CPNE4: variants seen among roughly 807,000 people sequenced by gnomAD.
CPNE4 encodes the protein copine 4.
CPNE4 carries 25 observed loss-of-function variants against 67.9 expected under a neutral mutation model. The observed-to-expected ratio is 0.37, with a 90% CI of 0.27 to 0.51. CPNE4 has a LOEUF of 0.51. CPNE4 is among the 20% of genes least tolerant of loss of function. The pLI is 0.93. For missense variants in CPNE4, 464 were observed against 690.8 expected (o/e 0.67, Z 3.68); for synonymous variants, 242 against 244.9 (o/e 0.99, Z 0.11).
At chr3:131,848,125 C>A (rs981213389) in intron 2 of CPNE4, among the ~76,000 whole-genome samples, 2 of 152,128 alleles carry the variant, frequency 1.3e-5, no homozygotes, top group Non-Finnish European at 2.9e-5. Context: ...TTGAGTCTTA[C>A]GTAAGGGGAG....
intron 2 of CPNE4, among the ~76,000 whole-genome samples, chr3:131,832,118 T>A (rs1303440895): frequency 6.6e-6 from 1 of 152,222 alleles, no homozygotes; most frequent in Admixed American, 6.5e-5. Flanking sequence ...TACTTTGTAA[T>A]TGACATTAAT....
chr3:131,666,987 G>A (rs1363252679), intron 7 of CPNE4, among the ~76,000 whole-genome samples: 1 of 152,162 alleles, frequency 6.6e-6, no homozygotes, highest in Non-Finnish European at 1.5e-5. Flanking sequence ...AGTATAGTTA[G>A]CATTCTTAAG....
chr3:131,740,762 C>T (rs1308310614), intron 2 of CPNE4, among the ~76,000 whole-genome samples: 1 of 152,204 alleles, frequency 6.6e-6, no homozygotes, highest in Non-Finnish European at 1.5e-5. Flanking sequence ...TTAAAACCTT[C>T]CGACAACTCC....
intron 1 of CPNE4, among the ~76,000 whole-genome samples, chr3:131,977,376 T>G (rs1398000980): frequency 1.3e-5 from 2 of 152,138 alleles, no homozygotes; most frequent in Non-Finnish European, 2.9e-5. Context: ...AATAATTAGC[T>G]ATGACAGCAC....
intron 1 of CPNE4, among the ~76,000 whole-genome samples, chr3:131,943,029 C>G (rs1462894711): frequency 1.3e-5 from 2 of 152,126 alleles, no homozygotes; most frequent in African/African-American, 4.8e-5. Context: ...ATCTGAAACC[C>G]CTGGTGTTAG....
chr3:131,806,917 A>G (rs1214101312), intron 2 of CPNE4, among the ~76,000 whole-genome samples: 3 of 152,184 alleles, frequency 2.0e-5, no homozygotes, highest in South Asian at 2.1e-4. Flanking sequence ...CAGTTCCCCA[A>G]ATTGCTTAAA....
At chr3:131,629,418 C>T (rs573931002) in intron 7 of CPNE4, among the ~76,000 whole-genome samples, 1 of 151,852 alleles carries the variant, frequency 6.6e-6, no homozygotes, top group East Asian at 1.9e-4. Context: ...AATGCTATTG[C>T]ACACTTAATA....
At chr3:132,017,283 G>A (rs780881758) in intron 1 of CPNE4, among the ~76,000 whole-genome samples, 2 of 151,966 alleles carry the variant, frequency 1.3e-5, no homozygotes, top group African/African-American at 2.4e-5. Context: ...GAGAAGGGAG[G>A]AGTGAGAGAA....
chr3:131,630,296 A>G (rs984975021), intron 7 of CPNE4, among the ~76,000 whole-genome samples: 1 of 152,226 alleles, frequency 6.6e-6, no homozygotes, highest in African/African-American at 2.4e-5. Context: ...ATAGCCCCAA[A>G]GGGCATGAGT....
intron 7 of CPNE4, among the ~76,000 whole-genome samples, chr3:131,632,752 C>T (rs186106302): frequency 1.5e-3 from 225 of 152,284 alleles, no homozygotes; most frequent in Non-Finnish European, 2.7e-3. Context: ...ACCTTTTCTT[C>T]TCTTATGCTC....
chr3:131,881,548 A>G (rs2087673385), intron 2 of CPNE4, among the ~76,000 whole-genome samples: 1 of 152,030 alleles, frequency 6.6e-6, no homozygotes, highest in Admixed American at 6.6e-5. Flanking sequence ...GGTATTGACA[A>G]TTCTCTAATA....
chr3:131,978,101 A>T lies in CPNE4; in HGVS notation c.-2+56466T>A, dbSNP rs1583547590. On this transcript the variant is annotated intron_variant, in intron 1 of 15. Transcript: ENST00000429747. ...TAAATATATATAAATATATATATAA[A>T]TATATATAAAATATATATAAATATA... Among the ~76,000 whole-genome samples, 4 of 74,952 alleles carry T rather than the reference A, an allele frequency of 5.3e-5. 1 individual carries two copies. The South Asian group carries it at 1.2e-3, about 22-fold the overall frequency. 49.2% of individuals were successfully genotyped at this position (74,952 alleles called of 152,430 possible).
intron 2 of CPNE4, among the ~76,000 whole-genome samples, chr3:131,886,457 A>G (rs2087898190): frequency 6.6e-6 from 1 of 152,226 alleles, no homozygotes. Flanking sequence ...TAGAAGAGAA[A>G]TGTGGGGTCA....
chr3:131,767,260 C>CAT (rs113968302), intron 2 of CPNE4, among the ~76,000 whole-genome samples: 3 of 150,352 alleles, frequency 2.0e-5, no homozygotes, highest in South Asian at 2.1e-4. Flanking sequence ...TAAGTGTGAG[C>CAT]GTGTGTGTGT....
intron 2 of CPNE4, among the ~76,000 whole-genome samples, chr3:131,749,400 T>C (rs927751914): frequency 9.2e-5 from 14 of 152,294 alleles, no homozygotes; most frequent in Admixed American, 4.6e-4. Flanking sequence ...TTATGTCCTG[T>C]GGGCATTTGC....
intron 2 of CPNE4, among the ~76,000 whole-genome samples, chr3:131,792,515 T>C (rs893234536): frequency 6.7e-6 from 1 of 149,690 alleles, no homozygotes; most frequent in Non-Finnish European, 1.5e-5. Flanking sequence ...ACCTGATCTC[T>C]CTCCTAAGTT....
intron 9 of CPNE4, among the ~76,000 whole-genome samples, chr3:131,578,507 T>TA: frequency 6.6e-6 from 1 of 152,112 alleles, no homozygotes; most frequent in African/African-American, 2.4e-5. Flanking sequence ...GAGTCATGCA[T>TA]CTCTTACTTA....
chr3:131,697,195 C>T (rs1035926352), intron 4 of CPNE4, among the ~76,000 whole-genome samples: 1 of 152,110 alleles, frequency 6.6e-6, no homozygotes, highest in Non-Finnish European at 1.5e-5. Context: ...AAATTACTGT[C>T]CAAAAGACTT....
intron 1 of CPNE4, among the ~76,000 whole-genome samples, chr3:131,944,897 CAT>C (rs1204063025): frequency 6.6e-6 from 1 of 152,136 alleles, no homozygotes; most frequent in Non-Finnish European, 1.5e-5. Context: ...AAAATCAACA[CAT>C]GTGCACACCC....
Sources: gnomAD v4.1 joint callset for allele counts (sites outside exome capture counted in the v4.1 genomes callset) on GRCh38, gnomAD v4.1.1 for gene constraint, MANE v1.5 for transcripts, NCBI Gene and HGNC (gene_info 2026-07-23, HGNC 2026-07-21) for gene names.